Variants in ARHGAP8 observed in about 807,000 individuals in gnomAD.
ARHGAP8 encodes the protein Rho GTPase activating protein 8.
In ARHGAP8, 62 loss-of-function variants were observed where a neutral mutation model predicts 46.1. That is an observed-to-expected ratio of 1.34 (90% CI 1.10 to 1.66). The LOEUF is 1.66. ARHGAP8 is among the 40% of genes most tolerant of loss of function. The pLI is 0.00. For missense variants in ARHGAP8, 923 were observed against 568.4 expected (o/e 1.62, Z -6.34); for synonymous variants, 375 against 243.1 (o/e 1.54, Z -5.05).
At chr22:44,795,482 C>A (rs1339598175) in intron 2 of ARHGAP8, among the ~76,000 whole-genome samples, 1 of 152,104 alleles carries the variant, frequency 6.6e-6, no homozygotes, top group African/African-American at 2.4e-5. Flanking sequence ...CCCCCTCTAC[C>A]CTCTGGGCCA....
intron 3 of ARHGAP8, among the ~76,000 whole-genome samples, chr22:44,806,806 T>TA (rs1356795440): frequency 6.6e-6 from 1 of 150,562 alleles, no homozygotes. Flanking sequence ...TAATAGTAAT[T>TA]AAAAAAAATT....
chr22:44,836,022 C>T (rs1454504497), intron 7 of ARHGAP8, among the ~76,000 whole-genome samples: 3 of 152,096 alleles, frequency 2.0e-5, no homozygotes, highest in Admixed American at 6.5e-5. Context: ...ATCTGACTTG[C>T]CAGAACCTCT....
intron 1 of ARHGAP8, among the ~76,000 whole-genome samples, chr22:44,764,122 C>A (rs1925369604): frequency 1.3e-5 from 2 of 152,110 alleles, no homozygotes; most frequent in Admixed American, 6.6e-5. Flanking sequence ...ATGATTTTCA[C>A]TGCTATAAGT....
At position 44,852,214 on chromosome 22, in the gene ARHGAP8, AAAAG is replaced by A. The variant is rs1305554995; in HGVS notation, c.877+3155_877+3158del. ...CAAAAAAAAAAAAAAAAAAAAAAAA[AAAAG>A]GAAGGGAGGAAGGAAGGTGAAGGAA... On this transcript the variant is annotated intron_variant, in intron 10 of 11. Coordinates refer to ENST00000356099, the MANE Select transcript of ARHGAP8 (RefSeq NM_181335.3). 4.2e-5 allele frequency among the ~76,000 whole-genome samples: 6 copies of A among 142,994 alleles called. No individual in the cohort carries two copies. In the East Asian group the frequency reaches 8.2e-4, roughly 19 times the overall value. 93.8% of individuals were successfully genotyped at this position (142,994 alleles called of 152,430 possible). A position where few individuals can be genotyped will look rare whatever the true frequency, so the allele number is the denominator to read the frequency against.
Position 44,821,275 on chromosome 22 carries a change from C to G in ARHGAP8, c.387-1096C>G, listed in dbSNP as rs147644691. On this transcript the variant is annotated intron_variant, in intron 5 of 11. Coordinates refer to ENST00000356099, the MANE Select transcript of ARHGAP8 (RefSeq NM_181335.3). ...TGAAACCCCGTCTCTACTAAAAATA[C>G]AAAAATTAGCCAGGCGTGGTGGTGT... 1.1e-4 allele frequency among the ~76,000 whole-genome samples: 17 copies of G among 151,996 alleles called. No individual in the cohort carries two copies. In the East Asian group the frequency reaches 3.3e-3, roughly 30 times the overall value.
intron 7 of ARHGAP8, among the ~76,000 whole-genome samples, chr22:44,838,593 G>A (rs1931446131): frequency 6.6e-6 from 1 of 152,164 alleles, no homozygotes; most frequent in Non-Finnish European, 1.5e-5. Context: ...ACTTTTAAAG[G>A]ACAGCACAGA....
At chr22:44,788,989 G>C (rs564113713) in intron 2 of ARHGAP8, among the ~76,000 whole-genome samples, 2 of 152,270 alleles carry the variant, frequency 1.3e-5, no homozygotes, top group East Asian at 3.9e-4. Flanking sequence ...TAATGATTAA[G>C]TTGTGTTCAC....
intron 6 of ARHGAP8, 61 bp from the exon 7 acceptor site, chr22:44,825,422 C>T (rs1265896593): frequency 1.1e-5 from 17 of 1,557,430 alleles, no homozygotes; most frequent in East Asian, 2.3e-5. Flanking sequence ...CCCCACCCAG[C>T]GCCTCCGTGG....
intron 7 of ARHGAP8, among the ~76,000 whole-genome samples, chr22:44,831,436 C>T (rs1354769666): frequency 6.6e-6 from 1 of 152,192 alleles, no homozygotes; most frequent in East Asian, 1.9e-4. Context: ...TGGCTCACGC[C>T]TATAATCCCA....
chr22:44,755,782 G>C (rs1018928557), intron 1 of ARHGAP8, among the ~76,000 whole-genome samples: 2 of 152,154 alleles, frequency 1.3e-5, no homozygotes, highest in African/African-American at 2.4e-5. Context: ...CTGGGGAAGT[G>C]GGGGGTGGGG....
At chr22:44,790,868 G>A (rs977275606) in intron 2 of ARHGAP8, among the ~76,000 whole-genome samples, 3 of 151,640 alleles carry the variant, frequency 2.0e-5, no homozygotes, top group Non-Finnish European at 4.4e-5. Flanking sequence ...GAGTAGCTGG[G>A]ACTACAGGCA....
chr22:44,849,205 G>A, intron 10 of ARHGAP8, 145 bp downstream of exon 10: 1 of 1,477,206 alleles, frequency 6.8e-7, no homozygotes, highest in Non-Finnish European at 9.1e-7. Flanking sequence ...CAGGGCAAGA[G>A]AGGGGGTTGT....
intron 10 of ARHGAP8, among the ~76,000 whole-genome samples, chr22:44,856,672 A>T (rs2070234656): frequency 6.9e-6 from 1 of 144,360 alleles, no homozygotes; most frequent in Admixed American, 6.7e-5. Context: ...ACAAAACAAG[A>T]CGAAAGGAGA....
chr22:44,785,781 C>T (rs1261467518), intron 1 of ARHGAP8, among the ~76,000 whole-genome samples: 1 of 152,200 alleles, frequency 6.6e-6, no homozygotes, highest in African/African-American at 2.4e-5. Context: ...TAAGATTCAA[C>T]TTAGGAGGGC....
Position 44,862,318 on chromosome 22 carries a change from T to G in ARHGAP8, c.1025T>G (p.Leu342Arg), listed in dbSNP as rs762815063. 20 of 1,613,586 alleles carry G rather than the reference T, an allele frequency of 1.2e-5. No individual in the cohort carries two copies. The highest frequency in any genetic ancestry group is 3.3e-5 in the Admixed American group (2 of 59,998). ...SIFNKMNSSN[L>R]ACVFGLNLIW... ...TTCAACAAAATGAACAGCTCTAACC[T>G]GGCCTGTGTCTTCGGGCTGAATTTG... The change falls in exon 12 of 12, where the codon CTG (leucine) becomes CGG (arginine). Residue 342 changes from leucine to arginine, a missense_variant. Transcript: ENST00000356099.
intron 3 of ARHGAP8, among the ~76,000 whole-genome samples, chr22:44,803,525 C>A (rs1014572253): frequency 6.6e-6 from 1 of 151,512 alleles, no homozygotes; most frequent in African/African-American, 2.4e-5. Context: ...GCATGCAGCA[C>A]CCCCAAACAC....
chr22:44,771,093 GTTTGTTC>G (rs1316300175), intron 1 of ARHGAP8, among the ~76,000 whole-genome samples: 2 of 152,028 alleles, frequency 1.3e-5, no homozygotes, highest in African/African-American at 4.8e-5. Context: ...TTAATTTTCA[GTTTGTTC>G]TTTGTTGGCA....
Position 44,814,629 on chromosome 22 carries a change from C to T in ARHGAP8, c.300-43C>T, listed in dbSNP as rs367632573. ...GGGTTATTGGGCGTGGGGTGTTTCTCGGAGCGCGGCAGCCTGAAGTCATCC... is the reference window on the plus strand; with the variant it reads ...GGGTTATTGGGCGTGGGGTGTTTCTTGGAGCGCGGCAGCCTGAAGTCATCC... On this transcript the variant is annotated intron_variant, in intron 4 of 11. Coordinates refer to ENST00000356099, the MANE Select transcript of ARHGAP8 (RefSeq NM_181335.3). 5.7e-6 allele frequency: 9 copies of T among 1,583,522 alleles called. No homozygotes were observed. In the East Asian group the frequency reaches 6.7e-5, roughly 12 times the overall value.
chr22:44,812,032 T>G (rs1201155268), intron 4 of ARHGAP8, among the ~76,000 whole-genome samples: 2 of 152,000 alleles, frequency 1.3e-5, no homozygotes, highest in African/African-American at 4.8e-5. Context: ...AGTGAGGGTT[T>G]TCAGTCGGCC....
Sources: allele counts gnomAD v4.1 joint callset (sites outside exome capture counted in the v4.1 genomes callset), GRCh38; gene constraint gnomAD v4.1.1; transcripts MANE v1.5; gene names NCBI Gene and HGNC (gene_info 2026-07-23, HGNC 2026-07-21).